Variants in ANK3 observed in about 807,000 individuals in gnomAD.
ANK3 encodes ankyrin-3.
A neutral mutation model predicts 370.9 loss-of-function variants in ANK3; 57 were observed. The ratio of observed to expected loss-of-function variants is 0.15; its 90% CI spans 0.12 to 0.19. ANK3 has a LOEUF of 0.19. Ranked by LOEUF, ANK3 falls within the 10% of genes least tolerant of loss-of-function variation. The probability of loss-of-function intolerance (pLI) is 1.00; values close to 1 mark genes in which losing one functional copy is unlikely to be tolerated. For missense variants in ANK3, 4,439 were observed against 5,302.1 expected (o/e 0.84, Z 5.06); for synonymous variants, 1,929 against 1,946.3 (o/e 0.99, Z 0.23).
At chr10:60,377,972 G>A (rs929385675) in intron 1 of ANK3, among the ~76,000 whole-genome samples, 3 of 152,104 alleles carry the variant, frequency 2.0e-5, no homozygotes, top group Non-Finnish European at 2.9e-5. Context: ...TCCAAACTGA[G>A]GTTTGCTAGC....
chr10:60,469,600 G>T (rs1229196622), intron 2 of ANK3, among the ~76,000 whole-genome samples: 1 of 8,496 alleles, frequency 1.2e-4, no homozygotes, highest in Non-Finnish European at 1.8e-4. Context: ...TATATATGGT[G>T]GTATATATAT....
intron 1 of ANK3, among the ~76,000 whole-genome samples, chr10:60,682,650 G>A (rs995133098): frequency 1.3e-5 from 2 of 152,076 alleles, no homozygotes; most frequent in African/African-American, 4.8e-5. Flanking sequence ...TACCCTGAGG[G>A]AAGGAATGTT....
At chr10:60,090,365 C>T (rs900475628) in intron 28 of ANK3, among the ~76,000 whole-genome samples, 7 of 152,126 alleles carry the variant, frequency 4.6e-5, no homozygotes, top group East Asian at 1.9e-4. Context: ...AATATGGTTT[C>T]GCTTTAGTTA....
intron 2 of ANK3, among the ~76,000 whole-genome samples, chr10:60,403,398 A>C (rs193043084): frequency 1.3e-5 from 2 of 152,320 alleles, no homozygotes; most frequent in African/African-American, 4.8e-5. Flanking sequence ...AGATATGCAC[A>C]CATACACACC....
At chr10:60,381,729 G>C (rs527991028) in intron 1 of ANK3, among the ~76,000 whole-genome samples, 1 of 152,114 alleles carries the variant, frequency 6.6e-6, no homozygotes, top group Non-Finnish European at 1.5e-5. Flanking sequence ...CCTGGCAAAT[G>C]CATTTATTTG....
At chr10:60,577,932 G>A (rs2077703007) in intron 2 of ANK3, among the ~76,000 whole-genome samples, 1 of 152,166 alleles carries the variant, frequency 6.6e-6, no homozygotes, top group Non-Finnish European at 1.5e-5. Flanking sequence ...ATGAGATTGT[G>A]AATTGAGTTG....
At chr10:60,474,535 T>TA (rs1261127350) in intron 2 of ANK3, among the ~76,000 whole-genome samples, 1 of 152,150 alleles carries the variant, frequency 6.6e-6, no homozygotes, top group Non-Finnish European at 1.5e-5. Flanking sequence ...ATTAAAAACT[T>TA]AAAAAAGATG....
intron 2 of ANK3, among the ~76,000 whole-genome samples, chr10:60,574,714 T>A (rs1453043186): frequency 6.6e-6 from 1 of 152,122 alleles, no homozygotes; most frequent in Non-Finnish European, 1.5e-5. Flanking sequence ...TTTTGAGGGA[T>A]GAGGATGAGG....
At chr10:60,152,176 T>C (rs1403966172) in intron 23 of ANK3, among the ~76,000 whole-genome samples, 1 of 152,222 alleles carries the variant, frequency 6.6e-6, no homozygotes, top group African/African-American at 2.4e-5. Flanking sequence ...TCTGATCCTA[T>C]GGCACTGACT....
intron 2 of ANK3, among the ~76,000 whole-genome samples, chr10:60,458,242 A>C (rs1176422425): frequency 3.3e-5 from 5 of 152,106 alleles, no homozygotes; most frequent in African/African-American, 1.2e-4. Flanking sequence ...ATGTTCTTTC[A>C]TTTGAAACTA....
At chr10:60,051,451 C>T in intron 42 of ANK3, 1 of 971,942 alleles carries the variant, frequency 1.0e-6, no homozygotes, top group Non-Finnish European at 1.2e-6. Context: ...AGCAATGCCA[C>T]ATAATGATCC....
At position 60,263,886 on chromosome 10, in the gene ANK3, T is replaced by G; in HGVS notation, c.648A>C (p.Lys216Asn). Residue 216 changes from lysine to asparagine, a missense_variant, in exon 6 of 44, where the codon AAA (lysine) becomes AAC (asparagine). Physicochemically the swap from Lys to Asn is moderately conservative, Grantham distance 94 (BLOSUM62 0). This residue lies in a region of ANK3 where 136 missense variants were observed against 230.5 expected (regional missense o/e 0.59). Transcript: ENST00000280772. ...CATTCTGCAGCAGCAGGGCGGCGGC[T>G]TTCGTGTCGTCTTTTCGGGCCGCGA... The part of the protein sequence containing the change: ...LHIAARKDDT[K>N]AAALLLQNDN... 1 of 1,614,178 alleles carries G rather than the reference T, an allele frequency of 6.2e-7. No individual in the cohort carries two copies. Among genetic ancestry groups the G allele is most frequent in the Non-Finnish European group, 8.5e-7 (1 of 1,180,026 alleles).
At chr10:60,178,183 T>A (rs2096035059) in intron 18 of ANK3, among the ~76,000 whole-genome samples, 1 of 152,186 alleles carries the variant, frequency 6.6e-6, no homozygotes, top group Non-Finnish European at 1.5e-5. Context: ...TCTAGCAACA[T>A]CTTAAGACAT....
chr10:60,457,361 G>A (rs1436293710), intron 2 of ANK3, among the ~76,000 whole-genome samples: 4 of 152,142 alleles, frequency 2.6e-5, no homozygotes, highest in African/African-American at 7.2e-5. Flanking sequence ...GGATCACTGT[G>A]CTAATGTATG....
At chr10:60,245,181 C>CA (rs147081355) in intron 7 of ANK3, among the ~76,000 whole-genome samples, 3,148 of 143,868 alleles carry the variant, frequency 0.022, 103 homozygotes, top group African/African-American at 0.07. Flanking sequence ...AAACAAAAAA[C>CA]AAAAAAAAAA....
At chr10:60,344,935 A>C (rs2055089400) in intron 1 of ANK3, among the ~76,000 whole-genome samples, 1 of 152,188 alleles carries the variant, frequency 6.6e-6, no homozygotes, top group Non-Finnish European at 1.5e-5. Flanking sequence ...ATTTTGGGAC[A>C]CATTCATTCT....
intron 2 of ANK3, among the ~76,000 whole-genome samples, chr10:60,538,295 G>T (rs2076768518): frequency 6.6e-6 from 1 of 151,854 alleles, no homozygotes; most frequent in African/African-American, 2.4e-5. Context: ...CACCACTAAA[G>T]AAAAGTCTTA....
intron 1 of ANK3, among the ~76,000 whole-genome samples, chr10:60,379,913 A>G (rs2061332960): frequency 6.6e-6 from 1 of 152,086 alleles, no homozygotes; most frequent in African/African-American, 2.4e-5. Context: ...AAATATGCTA[A>G]TTATCTTGAT....
At chr10:60,232,447 C>A (rs962187816) in intron 8 of ANK3, among the ~76,000 whole-genome samples, 1 of 152,090 alleles carries the variant, frequency 6.6e-6, no homozygotes, top group African/African-American at 2.4e-5. Flanking sequence ...AAATAGCCTG[C>A]GCTTTTTAAA....
Sources: allele counts gnomAD v4.1 joint callset (sites outside exome capture counted in the v4.1 genomes callset), GRCh38; gene constraint gnomAD v4.1.1; regional missense constraint gnomAD v4.1.1; transcripts MANE v1.5; gene names NCBI Gene and HGNC (gene_info 2026-07-23, HGNC 2026-07-21).